Variants in TFCP2 observed in about 807,000 individuals in gnomAD.
TFCP2 encodes alpha-globin transcription factor CP2.
A neutral mutation model predicts 73.4 loss-of-function variants in TFCP2; 33 were observed. That is an observed-to-expected ratio of 0.45 (90% CI 0.34 to 0.60). The LOEUF (loss-of-function observed/expected upper bound fraction) is 0.60, where lower values mean the gene tolerates loss of function less well. TFCP2 is among the 20% of genes least tolerant of loss of function. TFCP2 has a pLI of 0.01. For missense variants in TFCP2, 352 were observed against 604.0 expected (o/e 0.58, Z 4.37); for synonymous variants, 193 against 211.6 (o/e 0.91, Z 0.76).
At chr12:51,155,485 C>A (rs895120202) in intron 1 of TFCP2, among the ~76,000 whole-genome samples, 1 of 152,014 alleles carries the variant, frequency 6.6e-6, no homozygotes, top group Non-Finnish European at 1.5e-5. Context: ...TAGGCTATGC[C>A]ATTTGACACG....
intron 8 of TFCP2, among the ~76,000 whole-genome samples, chr12:51,105,056 AT>A (rs1375973081): frequency 2.7e-5 from 4 of 149,752 alleles, no homozygotes; most frequent in African/African-American, 9.8e-5. Context: ...GTGCTGCCTA[AT>A]TTATGATCCA....
chr12:51,151,347 A>G (rs1941419605), intron 1 of TFCP2, among the ~76,000 whole-genome samples: 1 of 152,242 alleles, frequency 6.6e-6, no homozygotes, highest in South Asian at 2.1e-4. Context: ...AAGTGATCAT[A>G]TAATTTATCA....
intron 1 of TFCP2, among the ~76,000 whole-genome samples, chr12:51,165,268 AGCAAACT>A (rs1384422112): frequency 6.6e-6 from 1 of 152,188 alleles, no homozygotes; most frequent in African/African-American, 2.4e-5. Context: ...AGAAAATAAC[AGCAAACT>A]GCAAACTGGA....
At chr12:51,109,720 T>A (rs1314458070) in intron 5 of TFCP2, among the ~76,000 whole-genome samples, 1 of 133,604 alleles carries the variant, frequency 7.5e-6, no homozygotes, top group African/African-American at 2.8e-5. Context: ...GGTGAATTTT[T>A]TTTTTTTTTT....
intron 9 of TFCP2, 83 bp from the exon 10 acceptor site, chr12:51,103,846 A>G (rs1940168424): frequency 1.9e-6 from 2 of 1,042,674 alleles, no homozygotes; most frequent in Non-Finnish European, 2.9e-6. Context: ...AACACCCCAC[A>G]CAACCCCATA....
At chr12:51,172,119 T>C (rs1941875173) in intron 1 of TFCP2, among the ~76,000 whole-genome samples, 182 bp downstream of exon 1, 1 of 152,210 alleles carries the variant, frequency 6.6e-6, no homozygotes, top group Admixed American at 6.6e-5. Flanking sequence ...TCGCCTACAA[T>C]CGCTTTTTCC....
intron 1 of TFCP2, among the ~76,000 whole-genome samples, chr12:51,149,082 T>C (rs942609678): frequency 1.0e-4 from 15 of 143,474 alleles, no homozygotes; most frequent in African/African-American, 3.6e-4. Context: ...CCATAGAATA[T>C]TACTCAGCCA....
intron 1 of TFCP2, among the ~76,000 whole-genome samples, chr12:51,163,713 T>C (rs1341426953): frequency 6.7e-6 from 1 of 148,382 alleles, no homozygotes; most frequent in Non-Finnish European, 1.5e-5. Flanking sequence ...CTTGAGCCCA[T>C]GAGCTCAAGA....
chr12:51,103,698 T>C lies in TFCP2; in HGVS notation c.1032A>G (p.Thr344=). ...AGAAGTTTGTGAAAAGCCTTGTGAA[T>C]GTAGAAAAACGATTTCGATGCAACC... ...QQWLHRNRFS[T]FTRLFTNFSG... Residue 344 remains threonine (T), a synonymous_variant, in exon 10 of 15, where the codon ACA becomes ACG. Transcript: ENST00000257915. 2.5e-6 allele frequency: 4 copies of C among 1,614,066 alleles called. No homozygotes were observed. The highest frequency in any genetic ancestry group is 1.6e-4 in the Middle Eastern group (1 of 6,062).
chr12:51,143,447 A>T (rs1941229884), intron 1 of TFCP2, among the ~76,000 whole-genome samples: 1 of 151,034 alleles, frequency 6.6e-6, no homozygotes, highest in South Asian at 2.1e-4. Context: ...TATCTATAAA[A>T]TATATCTTGA....
In TFCP2 at chr12:51,104,155, A is replaced by T. The variant is rs753299621; in HGVS notation, c.966T>A (p.Asp322Glu). 2 of 1,614,066 alleles carry T rather than the reference A, an allele frequency of 1.2e-6. No homozygotes were observed. The highest frequency in any genetic ancestry group is 2.2e-5 in the South Asian group (2 of 91,078). The change falls in exon 9 of 15, where the codon GAT becomes GAA. Residue 322 changes from aspartate to glutamate, a missense_variant and splice_region_variant. Coordinates refer to ENST00000257915, the MANE Select transcript of TFCP2 (RefSeq NM_005653.5). ...AACTGACATTCAACTTTAGACTTAC[A>T]TCTGTGACTGGAGGGGGTGGCTCTG... ...HQPEPPPPVT[D>E]NLLPTTTPQE...
chr12:51,156,593 T>C (rs1225362715), intron 1 of TFCP2, among the ~76,000 whole-genome samples: 1 of 152,192 alleles, frequency 6.6e-6, no homozygotes, highest in Non-Finnish European at 1.5e-5. Flanking sequence ...GTGAGTGTTC[T>C]TTCCTCTTCA....
rs189938797 is a variant in TFCP2, at chr12:51,162,192, T to C, written c.122+10109A>G. On this transcript the variant is annotated intron_variant, in intron 1 of 14. Transcript: ENST00000257915. ...TGGGCACAGTGGCTCACACCTGTAA[T>C]CCCAGCACTTTGGGAGGCTGAGGCG... 2.0e-5 allele frequency among the ~76,000 whole-genome samples: 3 copies of C among 152,022 alleles called. No individual in the cohort carries two copies. In the East Asian group the frequency reaches 5.8e-4, roughly 29 times the overall value.
rs768310722 is a variant in TFCP2 at position 51,110,967 on chromosome 12, C to T, written c.474G>A (p.Val158=). Residue 158 remains valine (V), a synonymous_variant, in exon 5 of 15, where the codon GTG becomes GTA. Transcript: ENST00000257915. ...RILDIDIPMS[V]GIIDPRANPT... ...GATTAGCCCTAGGATCGATTATACC[C>T]ACAGACATCGGGATATCTGAGAAAC... 2.4e-5 allele frequency: 38 copies of T among 1,613,082 alleles called. 1 individual carries two copies. Among genetic ancestry groups the T allele is most frequent in the Non-Finnish European group, 8.5e-7 (1 of 1,179,230 alleles).
At chr12:51,163,241 G>C (rs1941686063) in intron 1 of TFCP2, among the ~76,000 whole-genome samples, 1 of 152,004 alleles carries the variant, frequency 6.6e-6, no homozygotes, top group Non-Finnish European at 1.5e-5. Context: ...TGAAAGCTGT[G>C]ATGGTGCCAC....
At chr12:51,132,020 A>G (rs1278460485) in intron 1 of TFCP2, among the ~76,000 whole-genome samples, 2 of 152,222 alleles carry the variant, frequency 1.3e-5, no homozygotes, top group Non-Finnish European at 2.9e-5. Context: ...ACTTTCAGCT[A>G]AACACTTGCT....
At position 51,173,088 on chromosome 12, in the gene TFCP2, C is replaced by T. The variant is rs1941896259; in HGVS notation, c.-666G>A. 1 of 152,574 alleles carries T rather than the reference C, an allele frequency of 6.6e-6. No homozygotes were observed. Among genetic ancestry groups the T allele is most frequent in the Non-Finnish European group, 1.5e-5 (1 of 68,322 alleles). 9.5% of individuals were successfully genotyped at this position (152,574 alleles called of 1,614,324 possible). On this transcript the variant is annotated 5_prime_UTR_variant, in exon 1 of 15. An upstream open reading frame in the 5' UTR gains an earlier in-frame stop. Transcript: ENST00000257915. The stretch of plus-strand genomic sequence containing the variant: ...CAGGCCCTTCCACCGTCCGCCGCCC[C>T]AGCGCCAACCAATCATGGCGTCCTC...
At chr12:51,157,690 T>TC (rs968238037) in intron 1 of TFCP2, among the ~76,000 whole-genome samples, 2 of 133,620 alleles carry the variant, frequency 1.5e-5, no homozygotes, top group African/African-American at 5.4e-5. Flanking sequence ...TCTTTTCTTT[T>TC]TTTTTTTTTT....
chr12:51,165,142 T>C (rs57768942), intron 1 of TFCP2, among the ~76,000 whole-genome samples: 13,284 of 151,852 alleles, frequency 0.087, 629 homozygotes, highest in Middle Eastern at 0.11. Flanking sequence ...ATCCCTTGAG[T>C]CCAGGAGTTC....
Sources: allele counts gnomAD v4.1 joint callset (sites outside exome capture counted in the v4.1 genomes callset), GRCh38; gene constraint gnomAD v4.1.1; transcripts MANE v1.5; gene names NCBI Gene and HGNC (gene_info 2026-07-23, HGNC 2026-07-21).